VPS54: variants seen among roughly 807,000 people sequenced by gnomAD.
The protein encoded by VPS54 is vacuolar protein sorting-associated protein 54.
In VPS54, 45 loss-of-function variants were observed where a neutral mutation model predicts 121.5. The observed-to-expected ratio is 0.37, with a 90% CI of 0.29 to 0.47. The LOEUF is 0.47. VPS54 is among the 20% of genes least tolerant of loss of function. The probability of loss-of-function intolerance (pLI) is 0.99; values close to 1 mark genes in which losing one functional copy is unlikely to be tolerated. For missense variants in VPS54, 1,090 were observed against 1,131.4 expected (o/e 0.96, Z 0.52); for synonymous variants, 371 against 385.8 (o/e 0.96, Z 0.45).
At chr2:63,938,041 T>TGTGTGTG (rs756976640) in intron 11 of VPS54, among the ~76,000 whole-genome samples, 3 of 116,040 alleles carry the variant, frequency 2.6e-5, no homozygotes, top group Admixed American at 1.7e-4. Flanking sequence ...TGGAAACGTG[T>TGTGTGTG]GTGTGTGTGG....
intron 16 of VPS54, among the ~76,000 whole-genome samples, chr2:63,916,679 G>T (rs1336561625): frequency 6.6e-6 from 1 of 152,088 alleles, no homozygotes; most frequent in Non-Finnish European, 1.5e-5. Context: ...AGCTTTTTGT[G>T]TTAAGCCAGT....
intron 1 of VPS54, among the ~76,000 whole-genome samples, chr2:63,995,988 C>A (rs1241823365): frequency 1.3e-5 from 2 of 152,188 alleles, no homozygotes; most frequent in Non-Finnish European, 2.9e-5. Context: ...ATTGGGGGCT[C>A]CACTGTAGTA....
chr2:63,925,429 G>A (rs772975809), intron 12 of VPS54, among the ~76,000 whole-genome samples: 5 of 152,162 alleles, frequency 3.3e-5, no homozygotes, highest in African/African-American at 4.8e-5. Context: ...ACTTCTGAGG[G>A]GAGCATAAAT....
Position 63,933,721 on chromosome 2 carries a change from C to T in VPS54, c.1691G>A (p.Ser564Asn), listed in dbSNP as rs1674320747. The T allele has an allele frequency of 6.2e-7, 1 of 1,613,614 alleles. No homozygotes were observed. Among genetic ancestry groups the T allele is most frequent in the South Asian group, 1.1e-5 (1 of 91,080 alleles). Residue 564 changes from serine (S) to asparagine (N), a missense_variant, in exon 12 of 23, where the codon AGC becomes AAC. Physicochemically the swap from Ser to Asn is conservative, Grantham distance 46. Transcript: ENST00000272322. ...AGCAGATGATGATGTGTGCTCTTTG[C>T]TGGATGAAGAATCAGTAGTACATTC... Reference protein sequence around the residue: ...EPECTTDSSSSKEHTSSSAIP... With the variant: ...EPECTTDSSSNKEHTSSSAIP...
At chr2:64,008,865 G>T (rs1421814163) in intron 1 of VPS54, among the ~76,000 whole-genome samples, 3 of 152,200 alleles carry the variant, frequency 2.0e-5, no homozygotes, top group African/African-American at 7.2e-5. Context: ...ACACTATACA[G>T]TTCATAATAG....
chr2:64,015,200 C>T (rs571541947), intron 1 of VPS54, among the ~76,000 whole-genome samples: 138 of 151,668 alleles, frequency 9.1e-4, no homozygotes, highest in Non-Finnish European at 1.6e-3. Context: ...GCAAAAATAA[C>T]AATTCAAAAC....
chr2:63,894,545 T>C (rs1672359565), intron 22 of VPS54, among the ~76,000 whole-genome samples: 1 of 151,716 alleles, frequency 6.6e-6, no homozygotes, highest in Non-Finnish European at 1.5e-5. Flanking sequence ...CTACAAAAAA[T>C]TAAAAAAATT....
intron 1 of VPS54, among the ~76,000 whole-genome samples, chr2:64,016,361 T>A (rs1306055899): frequency 6.6e-6 from 1 of 152,086 alleles, no homozygotes; most frequent in Admixed American, 6.6e-5. Flanking sequence ...TTTTAACATG[T>A]ACACTGATTT....
At chr2:63,908,793 C>T (rs1673013177) in intron 20 of VPS54, among the ~76,000 whole-genome samples, 1 of 152,164 alleles carries the variant, frequency 6.6e-6, no homozygotes, top group African/African-American at 2.4e-5. Flanking sequence ...ATTAATACAA[C>T]TGTATGAAGT....
chr2:63,898,853 G>C (rs1306627859), intron 21 of VPS54, among the ~76,000 whole-genome samples: 1 of 152,132 alleles, frequency 6.6e-6, no homozygotes, highest in Non-Finnish European at 1.5e-5. Flanking sequence ...GCGCAACAGG[G>C]CTGTAGCGGG....
At chr2:63,970,210 TATACACAC>T (rs1460950169) in intron 4 of VPS54, among the ~76,000 whole-genome samples, 4 of 101,588 alleles carry the variant, frequency 3.9e-5, no homozygotes, top group African/African-American at 8.0e-5. Context: ...AAAATATATA[TATACACAC>T]ACACACACAC....
Position 64,019,425 on chromosome 2 carries a change from A to C in VPS54, c.-508T>G. ...AGGCCGCCGCAGCCCCCAGCCCACA[A>C]TCCACCGCGCGGCTCCGCCGGGGCG... On this transcript the variant is annotated 5_prime_UTR_variant, in exon 1 of 23. Transcript: ENST00000272322. 2.0e-5 allele frequency among the ~76,000 whole-genome samples: 3 copies of C among 149,754 alleles called. No homozygotes were observed. Among genetic ancestry groups the C allele is most frequent in the African/African-American group, 4.9e-5 (2 of 41,116 alleles).
chr2:63,996,513 G>A (rs1020873962), intron 1 of VPS54, among the ~76,000 whole-genome samples: 39 of 152,254 alleles, frequency 2.6e-4, no homozygotes, highest in South Asian at 2.5e-3. Flanking sequence ...GGATAACAGC[G>A]ATGTTCAGGG....
At chr2:64,012,691 CAAA>C (rs1202577558) in intron 1 of VPS54, among the ~76,000 whole-genome samples, 2 of 135,970 alleles carry the variant, frequency 1.5e-5, no homozygotes, top group Admixed American at 7.5e-5. Flanking sequence ...ATCGGCCCAT[CAAA>C]AAAAAAAAAA....
chr2:63,962,461 A>C lies in VPS54; in HGVS notation c.625-18T>G. The C allele has an allele frequency of 6.3e-7, 1 of 1,585,612 alleles. No individual in the cohort carries two copies. The highest frequency in any genetic ancestry group is 1.1e-5 in the South Asian group (1 of 86,986). ...TGGCTCAGCTTAAAAGAGAAGGAAA[A>C]AAAATATGAAGTACTATGAGCATAC... On this transcript the variant is annotated intron_variant, in intron 6 of 22. Coordinates refer to ENST00000272322, the MANE Select transcript of VPS54 (RefSeq NM_016516.3).
chr2:63,943,238 T>C (rs750182807), intron 10 of VPS54, among the ~76,000 whole-genome samples: 34 of 152,194 alleles, frequency 2.2e-4, no homozygotes, highest in Non-Finnish European at 3.7e-4. Flanking sequence ...AAAAAAGTAA[T>C]ACAAATTCAT....
At chr2:63,948,743 C>T (rs1299941623) in intron 8 of VPS54, among the ~76,000 whole-genome samples, 1 of 152,140 alleles carries the variant, frequency 6.6e-6, no homozygotes, top group Non-Finnish European at 1.5e-5. Flanking sequence ...CACTCGCACA[C>T]ATAAACACAG....
chr2:63,959,630 T>C (rs138748123), intron 7 of VPS54, among the ~76,000 whole-genome samples: 7 of 152,292 alleles, frequency 4.6e-5, no homozygotes, highest in Non-Finnish European at 8.8e-5. Flanking sequence ...CTAATGCCTG[T>C]AATCACAGCA....
chr2:64,005,033 C>A (rs1420421223), intron 1 of VPS54, among the ~76,000 whole-genome samples: 1 of 150,396 alleles, frequency 6.6e-6, no homozygotes, highest in East Asian at 1.9e-4. Context: ...CCACATCAGC[C>A]TCCCAGAGTG....
Sources: allele counts gnomAD v4.1 joint callset (sites outside exome capture counted in the v4.1 genomes callset), GRCh38; gene constraint gnomAD v4.1.1; transcripts MANE v1.5; gene names NCBI Gene and HGNC (gene_info 2026-07-23, HGNC 2026-07-21).